Variants in DLG2 observed in about 807,000 individuals in gnomAD.
DLG2 encodes the protein discs large MAGUK scaffold protein 2.
DLG2 carries 45 observed loss-of-function variants against 132.5 expected under a neutral mutation model. That is an observed-to-expected ratio of 0.34 (90% CI 0.27 to 0.44). The LOEUF is 0.44. DLG2 is among the 20% of genes least tolerant of loss of function. DLG2 has a pLI of 1.00. For missense variants in DLG2, 1,045 were observed against 1,196.9 expected (o/e 0.87, Z 1.87); for synonymous variants, 424 against 419.6 (o/e 1.01, Z -0.13).
At chr11:85,238,102 T>G (rs993991802) in intron 4 of DLG2, among the ~76,000 whole-genome samples, 67 of 151,946 alleles carry the variant, frequency 4.4e-4, no homozygotes, top group African/African-American at 1.6e-3. Context: ...AGAATCCTGT[T>G]TCCTCAATGA....
chr11:84,587,560 T>C (rs1002704412), intron 6 of DLG2, among the ~76,000 whole-genome samples: 2 of 152,234 alleles, frequency 1.3e-5, no homozygotes, highest in Admixed American at 6.5e-5. Context: ...AATATATTTA[T>C]TCTTGACAAT....
At chr11:84,582,295 T>C (rs2099518355) in intron 6 of DLG2, among the ~76,000 whole-genome samples, 1 of 150,998 alleles carries the variant, frequency 6.6e-6, no homozygotes, top group Admixed American at 6.6e-5. Flanking sequence ...ATCTTGAAGG[T>C]GGCGAATATA....
chr11:84,832,672 T>A, intron 6 of DLG2, among the ~76,000 whole-genome samples: 1 of 151,584 alleles, frequency 6.6e-6, no homozygotes, highest in Middle Eastern at 3.2e-3. Flanking sequence ...TACACTCTGA[T>A]TCTATTTATG....
intron 4 of DLG2, among the ~76,000 whole-genome samples, chr11:85,279,827 A>G (rs1482601156): frequency 6.6e-6 from 1 of 152,160 alleles, no homozygotes; most frequent in African/African-American, 2.4e-5. Flanking sequence ...GCACAGTTTA[A>G]CAGGGACTAC....
At chr11:85,569,204 G>T (rs2077709163) in intron 3 of DLG2, among the ~76,000 whole-genome samples, 1 of 151,952 alleles carries the variant, frequency 6.6e-6, no homozygotes, top group South Asian at 2.1e-4. Context: ...GTTAATTTTT[G>T]TATTTTTAGT....
intron 4 of DLG2, among the ~76,000 whole-genome samples, chr11:85,169,501 C>T (rs773122974): frequency 6.6e-6 from 1 of 152,086 alleles, no homozygotes; most frequent in African/African-American, 2.4e-5. Context: ...ATAGCACCCT[C>T]TTCATAGAGG....
intron 16 of DLG2, among the ~76,000 whole-genome samples, chr11:83,872,930 G>T (rs1482077593): frequency 2.0e-5 from 3 of 152,102 alleles, no homozygotes; most frequent in Admixed American, 6.6e-5. Context: ...GTATGCACAT[G>T]GACCTCTAGT....
At chr11:84,505,709 A>G (rs61897750) in intron 7 of DLG2, among the ~76,000 whole-genome samples, 13,155 of 152,196 alleles carry the variant, frequency 0.086, 588 homozygotes, top group South Asian at 0.13. Flanking sequence ...ATTTAATAGT[A>G]GCAATAGTAA....
intron 18 of DLG2, among the ~76,000 whole-genome samples, chr11:83,636,669 T>C (rs2064934234): frequency 6.6e-6 from 1 of 152,184 alleles, no homozygotes; most frequent in Non-Finnish European, 1.5e-5. Flanking sequence ...TTTGTTAGGC[T>C]CTTGTAGCTG....
At chr11:84,232,779 A>G (rs887216151) in intron 8 of DLG2, among the ~76,000 whole-genome samples, 3 of 152,200 alleles carry the variant, frequency 2.0e-5, no homozygotes, top group African/African-American at 7.2e-5. Context: ...TAAGCCACCC[A>G]GTCTTCAGTA....
chr11:85,333,735 G>A (rs1462926781), intron 3 of DLG2, among the ~76,000 whole-genome samples: 1 of 152,106 alleles, frequency 6.6e-6, no homozygotes, highest in Non-Finnish European at 1.5e-5. Flanking sequence ...CAAATTTATT[G>A]ATTTCCATAT....
intron 6 of DLG2, among the ~76,000 whole-genome samples, chr11:84,831,817 T>G (rs192720356): frequency 1.3e-5 from 2 of 151,786 alleles, no homozygotes; most frequent in East Asian, 3.9e-4. Flanking sequence ...AAATAATGTT[T>G]GAACTATTTA....
intron 8 of DLG2, among the ~76,000 whole-genome samples, chr11:84,165,946 T>C (rs1182253539): frequency 6.6e-6 from 1 of 152,044 alleles, no homozygotes; most frequent in African/African-American, 2.4e-5. Flanking sequence ...GCATCCCATG[T>C]CTACAACAAG....
chr11:83,728,391 C>G (rs932439202), intron 18 of DLG2, among the ~76,000 whole-genome samples: 2 of 152,196 alleles, frequency 1.3e-5, no homozygotes, highest in Admixed American at 1.3e-4. Context: ...TGACTTTATA[C>G]AGACAGCTCT....
At chr11:84,529,409 C>T (rs559972165) in intron 7 of DLG2, among the ~76,000 whole-genome samples, 67 of 152,192 alleles carry the variant, frequency 4.4e-4, no homozygotes, top group Non-Finnish European at 9.0e-4. Flanking sequence ...AGTCTCTACC[C>T]AAAAGCTCCA....
chr11:85,021,222 C>T (rs957387842), intron 6 of DLG2: 22 of 1,256,688 alleles, frequency 1.8e-5, no homozygotes, highest in Admixed American at 5.1e-5. Flanking sequence ...ACTGACGTTT[C>T]GAGGGCACTA....
chr11:83,730,968 A>G (rs1162304907), intron 18 of DLG2, among the ~76,000 whole-genome samples: 2 of 152,218 alleles, frequency 1.3e-5, no homozygotes, highest in Non-Finnish European at 2.9e-5. Flanking sequence ...AACAGAAATT[A>G]GCAAGGGTCA....
At chr11:84,014,692 G>T (rs2095075207) in intron 11 of DLG2, among the ~76,000 whole-genome samples, 1 of 152,134 alleles carries the variant, frequency 6.6e-6, no homozygotes, top group African/African-American at 2.4e-5. Flanking sequence ...TGTTCCCACA[G>T]CTAATAAATC....
At chr11:83,801,309 T>C (rs1439303972) in intron 17 of DLG2, among the ~76,000 whole-genome samples, 1 of 152,004 alleles carries the variant, frequency 6.6e-6, no homozygotes, top group East Asian at 1.9e-4. Flanking sequence ...CCTCCCACCC[T>C]CCTCTATCCC....
Sources: allele counts gnomAD v4.1 joint callset (sites outside exome capture counted in the v4.1 genomes callset), GRCh38; gene constraint gnomAD v4.1.1; transcripts MANE v1.5; gene names NCBI Gene and HGNC (gene_info 2026-07-23, HGNC 2026-07-21).